SEC22C: variants seen among roughly 807,000 people sequenced by gnomAD.
The protein encoded by SEC22C is SEC22 homolog C, vesicle trafficking protein.
A neutral mutation model predicts 34.7 loss-of-function variants in SEC22C; 29 were observed. The observed-to-expected ratio is 0.84, with a 90% CI of 0.62 to 1.14. SEC22C has a LOEUF of 1.14. Among genes scored for constraint, SEC22C ranks in the 50% most tolerant of loss-of-function variants. SEC22C has a pLI of 0.00. For synonymous variants in SEC22C, 117 were observed against 132.8 expected (o/e 0.88, Z 0.82); for missense variants, 337 against 369.0 (o/e 0.91, Z 0.71).
At chr3:42,599,021 A>G (rs1304738414) in intron 1 of SEC22C, among the ~76,000 whole-genome samples, 3 of 151,540 alleles carry the variant, frequency 2.0e-5, no homozygotes, top group African/African-American at 7.3e-5. Flanking sequence ...GCTGGAATGC[A>G]GTGGACCGAT....
In SEC22C at chr3:42,563,934, A is replaced by G. The variant is rs569026774; in HGVS notation, c.183-248T>C. 4.4e-5 allele frequency: 61 copies of G among 1,380,462 alleles called. No homozygotes were observed. In the South Asian group the frequency reaches 7.2e-4, roughly 16 times the overall value. The allele number at this position is 1,380,462 out of a possible 1,614,324, so 85.5% of individuals were successfully genotyped here. A position where few individuals can be genotyped will look rare whatever the true frequency, so the allele number is the denominator to read the frequency against. On this transcript the variant is annotated intron_variant, in intron 2 of 6. Coordinates refer to ENST00000264454, the MANE Select transcript of SEC22C (RefSeq NM_032970.4). Reference sequence around the variant, plus strand: ...GATCACTCTTATTTATTCATGCATGAGGGATGCATATTCTATTGGGGGAAT... The same window carrying G: ...GATCACTCTTATTTATTCATGCATGGGGGATGCATATTCTATTGGGGGAAT...
rs1028307888 is a variant in SEC22C, at chr3:42,548,868, T to A, written c.*4380A>T. The A allele has an allele frequency of 5.8e-6, 8 of 1,385,952 alleles. No homozygotes were observed. Among genetic ancestry groups the A allele is most frequent in the Non-Finnish European group, 3.7e-6 (4 of 1,069,272 alleles). The allele number at this position is 1,385,952 out of a possible 1,614,324, so 85.9% of individuals were successfully genotyped here. On this transcript the variant is annotated 3_prime_UTR_variant, in exon 7 of 7. Transcript: ENST00000264454. Reference sequence around the variant, plus strand: ...GAAAAACCTTCATGTACCAGGTGAATGTAAAGCCTTTCTCCTCCCACACAC... The same window carrying A: ...GAAAAACCTTCATGTACCAGGTGAAAGTAAAGCCTTTCTCCTCCCACACAC...
rs746062879 is a variant in SEC22C at position 42,553,424 on chromosome 3, G to T, written c.736C>A (p.Pro246Thr). ...FQCYLYLFYS[P>T]ARTMKVVLML... ...AGCACCACCTTCATAGTCCTGGCTG[G>T]ACTGTAGAACAGGTACAAATAACAC... Residue 246 changes from proline (P) to threonine (T), a missense_variant, in exon 7 of 7, where the codon CCA (proline) becomes ACA (threonine). Transcript: ENST00000264454. 6.2e-7 allele frequency: 1 copy of T among 1,613,968 alleles called. No homozygotes were observed. The highest frequency in any genetic ancestry group is 1.3e-5 in the African/African-American group (1 of 74,890).
chr3:42,561,888 G>A (rs536068893), intron 3 of SEC22C, among the ~76,000 whole-genome samples: 3 of 152,058 alleles, frequency 2.0e-5, no homozygotes, highest in East Asian at 1.9e-4. Flanking sequence ...AGGGGCATGC[G>A]TCTTAGCCCC....
chr3:42,572,038 TA>T (rs1166093759), intron 1 of SEC22C, among the ~76,000 whole-genome samples: 5 of 151,782 alleles, frequency 3.3e-5, no homozygotes, highest in Admixed American at 3.3e-4. Flanking sequence ...GTCTCAAAAA[TA>T]AAAATAAAAA....
At position 42,552,721 on chromosome 3, in the gene SEC22C, T is replaced by C. The variant is rs1244551059; in HGVS notation, c.*527A>G. On this transcript the variant is annotated 3_prime_UTR_variant, in exon 7 of 7. Transcript: ENST00000264454. The stretch of plus-strand genomic sequence containing the variant: ...TTCCAAAGGTATATCGAACCTAAGA[T>C]ATTGAAAAAATGTAAACAAAATTTA... The C allele has an allele frequency of 3.1e-6, 3 of 980,742 alleles. No homozygotes were observed. In the East Asian group the frequency reaches 3.4e-4, roughly 112 times the overall value. 60.8% of individuals were successfully genotyped at this position (980,742 alleles called of 1,614,324 possible).
upstream of SEC22C, among the ~76,000 whole-genome samples, chr3:42,583,188 A>G (rs867259417): frequency 3.9e-5 from 6 of 152,364 alleles, no homozygotes; most frequent in Middle Eastern, 6.8e-3. Context: ...TTTGGCTGCT[A>G]AAGTGCAGAT....
At chr3:42,556,638 C>T (rs1275009496) in intron 5 of SEC22C, among the ~76,000 whole-genome samples, 3 of 152,208 alleles carry the variant, frequency 2.0e-5, no homozygotes, top group Non-Finnish European at 4.4e-5. Context: ...CCACTATATG[C>T]ATGGGTGTGA....
At chr3:42,575,428 T>C (rs1311913947) in intron 1 of SEC22C, among the ~76,000 whole-genome samples, 1 of 152,132 alleles carries the variant, frequency 6.6e-6, no homozygotes. Context: ...TGAAAGTAAA[T>C]GGATGGAAAA....
intron 1 of SEC22C, among the ~76,000 whole-genome samples, chr3:42,572,288 C>T (rs909611464): frequency 1.9e-4 from 28 of 150,862 alleles, no homozygotes; most frequent in Non-Finnish European, 2.9e-5. Flanking sequence ...TAATGCATAG[C>T]AAAACAAAAA....
At chr3:42,587,008 C>T (rs1419221931), upstream of SEC22C, among the ~76,000 whole-genome samples, 1 of 152,182 alleles carries the variant, frequency 6.6e-6, no homozygotes, top group African/African-American at 2.4e-5. Flanking sequence ...CTTTCCCTCC[C>T]CACTTGATCA....
At chr3:42,569,140 G>A in intron 1 of SEC22C, 67 bp from the exon 2 acceptor site, 1 of 999,932 alleles carries the variant, frequency 1.0e-6, no homozygotes, top group Non-Finnish European at 1.5e-6. Flanking sequence ...CCCCACCTGT[G>A]AAATGCCCAC....
intron 1 of SEC22C, among the ~76,000 whole-genome samples, chr3:42,596,027 G>C (rs1215972598): frequency 6.6e-6 from 1 of 151,148 alleles, no homozygotes; most frequent in Non-Finnish European, 1.5e-5. Context: ...GTTTTGTTTT[G>C]TTTTTGTTTT....
intron 1 of SEC22C, chr3:42,587,323 T>G (rs751233157): frequency 6.6e-6 from 1 of 152,290 alleles, no homozygotes; most frequent in Non-Finnish European, 1.5e-5. Context: ...TATAAACCTT[T>G]TCTTCTGGAG....
chr3:42,566,750 T>C (rs1227182478), intron 2 of SEC22C: 6 of 334,184 alleles, frequency 1.8e-5, no homozygotes, highest in Admixed American at 1.0e-4. Context: ...ATACCTATAA[T>C]CCCAGGGCTT....
At chr3:42,559,329 G>C (rs961738078) in intron 4 of SEC22C, among the ~76,000 whole-genome samples, 23 of 152,160 alleles carry the variant, frequency 1.5e-4, no homozygotes, top group Admixed American at 1.4e-3. Context: ...TCAAATCACA[G>C]TAAAATGTCC....
chr3:42,581,459 G>C (rs561292710), intron 1 of SEC22C: 1 of 152,228 alleles, frequency 6.6e-6, no homozygotes, highest in African/African-American at 2.4e-5. Flanking sequence ...CTAATAACAC[G>C]GGCATGCTAA....
chr3:42,594,372 A>G (rs369184378), intron 1 of SEC22C: 6 of 1,463,320 alleles, frequency 4.1e-6, no homozygotes, highest in African/African-American at 1.4e-5. Context: ...TTTTTTGTTC[A>G]TGGTCGGTAA....
chr3:42,561,981 A>G (rs1702945293), intron 3 of SEC22C, among the ~76,000 whole-genome samples: 1 of 135,838 alleles, frequency 7.4e-6, no homozygotes, highest in African/African-American at 3.2e-5. Context: ...GTTATTCCTG[A>G]CCTGATTAAC....
Sources: gnomAD v4.1 joint callset for allele counts (sites outside exome capture counted in the v4.1 genomes callset) on GRCh38, gnomAD v4.1.1 for gene constraint, MANE v1.5 for transcripts, NCBI Gene and HGNC (gene_info 2026-07-23, HGNC 2026-07-21) for gene names.